Variants in TMEM232 observed in about 807,000 individuals in gnomAD.
The protein encoded by TMEM232 is transmembrane protein 232.
In TMEM232, 80 loss-of-function variants were observed where a neutral mutation model predicts 78.8. The ratio of observed to expected loss-of-function variants is 1.01; its 90% CI spans 0.85 to 1.22. The LOEUF (loss-of-function observed/expected upper bound fraction) is 1.22, where lower values mean the gene tolerates loss of function less well. Among genes scored for constraint, TMEM232 ranks in the 50% most tolerant of loss-of-function variants. The pLI is 0.00. For missense variants in TMEM232, 881 were observed against 742.2 expected (o/e 1.19, Z -2.17); for synonymous variants, 297 against 254.3 (o/e 1.17, Z -1.60).
intron 1 of TMEM232, among the ~76,000 whole-genome samples, chr5:110,694,158 T>A (rs1794481707): frequency 6.6e-6 from 1 of 152,048 alleles, no homozygotes; most frequent in South Asian, 2.1e-4. Context: ...TTCAACATTC[T>A]TAAAGAAAAG....
chr5:110,620,646 C>CCTCTCTCTCTCTCCCCCTCTCT (rs1783587830), intron 7 of TMEM232, among the ~76,000 whole-genome samples: 1 of 99,300 alleles, frequency 1.0e-5, no homozygotes, highest in African/African-American at 4.5e-5. Flanking sequence ...TCTCCTCTCT[C>CCTCTCTCTCTCTCCCCCTCTCT]CTCTCTCTCT....
chr5:110,397,509 T>A (rs1755434123), intron 3 of TMEM232, among the ~76,000 whole-genome samples: 1 of 152,142 alleles, frequency 6.6e-6, no homozygotes, highest in Admixed American at 6.6e-5. Context: ...TGAAAGATAA[T>A]TGCCTTGAGT....
At chr5:110,413,631 C>G (rs76266383) in intron 2 of TMEM232, among the ~76,000 whole-genome samples, 2,083 of 152,292 alleles carry the variant, frequency 0.014, 45 homozygotes, top group Admixed American at 0.063. Flanking sequence ...TTCTTCAGCT[C>G]TGCAGGATTC....
Position 110,542,141 on chromosome 5 carries a change from G to C in TMEM232, c.1456-13306C>G, listed in dbSNP as rs546900990. ...ACACCTGTGAACTTGTGAAAGACCC[G>C]AAGTTCCTGTTTAGAAGACAGCCAA... On this transcript the variant is annotated intron_variant, in intron 11 of 13. Transcript: ENST00000455884. Among the ~76,000 whole-genome samples, 7 of 152,224 alleles carry C rather than the reference G, an allele frequency of 4.6e-5. No homozygotes were observed. The South Asian group carries it at 1.4e-3, about 32-fold the overall frequency.
intron 1 of TMEM232, among the ~76,000 whole-genome samples, chr5:110,701,698 C>A (rs1334096873): frequency 6.6e-6 from 1 of 151,932 alleles, no homozygotes; most frequent in Non-Finnish European, 1.5e-5. Context: ...GAATGTTATG[C>A]CTCAAGTTAT....
At chr5:110,488,578 A>G (rs778828878) in intron 12 of TMEM232, among the ~76,000 whole-genome samples, 16 of 152,200 alleles carry the variant, frequency 1.1e-4, no homozygotes, top group Non-Finnish European at 2.1e-4. Context: ...TTTATTTGCT[A>G]ACCCTTGGAA....
At chr5:110,634,816 A>C (rs949051354) in intron 5 of TMEM232, among the ~76,000 whole-genome samples, 1 of 152,048 alleles carries the variant, frequency 6.6e-6, no homozygotes, top group Admixed American at 6.6e-5. Context: ...CCAAACTCAA[A>C]ATTAGTAGAA....
rs148126661 is a variant in TMEM232 at position 110,448,633 on chromosome 5, T to C, written c.1704-23717A>G. On this transcript the variant is annotated intron_variant, in intron 12 of 13. Transcript: ENST00000455884. ...ATGGGTCTTAACATATATATTATAG[T>C]TTTAAAATACGAGAAGATGAAGTGA... is the stretch of plus-strand genomic sequence containing the variant. Among the ~76,000 whole-genome samples, 610 of 152,032 alleles carry C rather than the reference T, an allele frequency of 4.0e-3. 5 individuals carry two copies. The highest frequency in any genetic ancestry group is 6.2e-3 in the Admixed American group (94 of 15,244).
chr5:110,665,600 T>G (rs1156498183), intron 2 of TMEM232, among the ~76,000 whole-genome samples: 2 of 151,928 alleles, frequency 1.3e-5, no homozygotes, highest in African/African-American at 2.4e-5. Flanking sequence ...CTCACTATCA[T>G]GAGAACAGCA....
At chr5:110,627,917 G>A (rs999317771) in intron 5 of TMEM232, 37 bp from the exon 6 acceptor site, 41 of 1,316,810 alleles carry the variant, frequency 3.1e-5, no homozygotes, top group Admixed American at 1.1e-4. Context: ...TTTTTGTGTT[G>A]CATCAATAAA....
At chr5:110,406,265 T>C (rs3065626) in intron 2 of TMEM232, among the ~76,000 whole-genome samples, 3,547 of 143,616 alleles carry the variant, frequency 0.025, 45 homozygotes, top group Middle Eastern at 0.032. Context: ...CAGATATATA[T>C]ACACACACAC....
chr5:110,638,592 CTATGTGACTTCT>C (rs1471550829), intron 4 of TMEM232, among the ~76,000 whole-genome samples: 6 of 152,124 alleles, frequency 3.9e-5, no homozygotes, highest in African/African-American at 1.4e-4. Context: ...AGAAATGACA[CTATGTGACTTCT>C]AAGACTGAAT....
At position 110,612,884 on chromosome 5, in the gene TMEM232, C is replaced by T. The variant is rs1403641331; in HGVS notation, c.902+5545G>A. 2.6e-5 allele frequency among the ~76,000 whole-genome samples: 4 copies of T among 152,210 alleles called. No homozygotes were observed. In the East Asian group the frequency reaches 7.7e-4, roughly 29 times the overall value. On this transcript the variant is annotated intron_variant, in intron 8 of 13. Transcript: ENST00000455884. ...AGTCTTTTGCGTTGACTTGAGCTAT[C>T]TCCCCAGAGCAAATAGTGCCGTTTA...
At chr5:110,557,340 C>T (rs1329879351) in intron 11 of TMEM232, among the ~76,000 whole-genome samples, 2 of 152,226 alleles carry the variant, frequency 1.3e-5, no homozygotes, top group East Asian at 3.9e-4. Context: ...TATTGATCTC[C>T]TTGGCCATTC....
chr5:110,688,519 G>T (rs1206570101), intron 1 of TMEM232, among the ~76,000 whole-genome samples: 1 of 152,072 alleles, frequency 6.6e-6, no homozygotes, highest in East Asian at 1.9e-4. Flanking sequence ...GAAATGGCTG[G>T]GCCTTGTGCC....
At chr5:110,710,354 C>A (rs559769582) in intron 1 of TMEM232, among the ~76,000 whole-genome samples, 1 of 151,938 alleles carries the variant, frequency 6.6e-6, no homozygotes. Context: ...CAAACTATTC[C>A]AAAAAATATA....
rs981953481 is a variant in TMEM232 at position 110,453,295 on chromosome 5, T to A, written c.1704-28379A>T. On this transcript the variant is annotated intron_variant, in intron 12 of 13. Coordinates refer to ENST00000455884, the MANE Select transcript of TMEM232 (RefSeq NM_001039763.4). ...TTTAAATTTCTACCGCATACTTTTTTAAATTTTATTTTATTTTATTTTTTT... is the reference window on the plus strand; with the variant it reads ...TTTAAATTTCTACCGCATACTTTTTAAAATTTTATTTTATTTTATTTTTTT... Among the ~76,000 whole-genome samples, 10 of 152,262 alleles carry A rather than the reference T, an allele frequency of 6.6e-5. 1 individual carries two copies. The East Asian group carries it at 7.7e-4, about 12-fold the overall frequency.
At chr5:110,630,674 G>A (rs1785005214) in intron 5 of TMEM232, among the ~76,000 whole-genome samples, 1 of 152,142 alleles carries the variant, frequency 6.6e-6, no homozygotes, top group African/African-American at 2.4e-5. Flanking sequence ...TGTTAAGCCT[G>A]TGGAACTGTG....
intron 11 of TMEM232, among the ~76,000 whole-genome samples, chr5:110,531,550 G>A (rs542131568): frequency 3.3e-5 from 5 of 151,926 alleles, no homozygotes; most frequent in Non-Finnish European, 7.4e-5. Flanking sequence ...CAATCTTGGC[G>A]CCACACTTCA....
Sources: gnomAD v4.1 joint callset for allele counts (sites outside exome capture counted in the v4.1 genomes callset) on GRCh38, gnomAD v4.1.1 for gene constraint, MANE v1.5 for transcripts, NCBI Gene and HGNC (gene_info 2026-07-23, HGNC 2026-07-21) for gene names.